Variants in MID1 observed in about 807,000 individuals in gnomAD.
MID1 encodes the protein midline 1.
In MID1, 7 loss-of-function variants were observed where a neutral mutation model predicts 40.4. The ratio of observed to expected loss-of-function variants is 0.17; its 90% CI spans 0.10 to 0.33. MID1 has a LOEUF of 0.33. Among genes scored for constraint, MID1 ranks in the 10% least tolerant of loss-of-function variants. The pLI, the probability that MID1 is intolerant of heterozygous loss-of-function variation, is 1.00. For synonymous variants in MID1, 229 were observed against 221.2 expected, an observed-to-expected ratio of 1.04 and a Z score of -0.31; for missense variants, 367 against 558.5, an observed-to-expected ratio of 0.66 and a Z score of 3.46.
At position 10,459,325 on chromosome X, in the gene MID1, G is replaced by A. The variant is rs1211507816; in HGVS notation, c.1447+321C>T. Among the ~76,000 whole-genome samples the A allele has an allele frequency of 7.1e-5, 8 of 112,012 alleles. No homozygotes were observed. The Middle Eastern group carries it at 0.014, about 193-fold the overall frequency. ...ATCCACCATTTACAGAGCCCCTACT[G>A]TGTGTCAGGTCTTACATATACATCA... On this transcript the variant is annotated intron_variant, in intron 8 of 9. Transcript: ENST00000317552.
At chrX:10,746,714 T>A (rs953589755) in intron 1 of MID1, among the ~76,000 whole-genome samples, 10 of 110,856 alleles carry the variant, frequency 9.0e-5, no homozygotes, top group East Asian at 5.7e-4. Flanking sequence ...ACTTGTCTTA[T>A]GCCCAGTGGT....
At chrX:10,745,991 T>A (rs1312163455) in intron 1 of MID1, among the ~76,000 whole-genome samples, 2 of 112,051 alleles carry the variant, frequency 1.8e-5, no homozygotes, top group African/African-American at 6.5e-5. Context: ...AGACGAGAAC[T>A]AAGAGAGCAA....
intron 1 of MID1, among the ~76,000 whole-genome samples, chrX:10,739,915 C>T (rs1308782629): frequency 8.9e-6 from 1 of 112,332 alleles, no homozygotes; most frequent in Non-Finnish European, 1.9e-5. Flanking sequence ...TAGCCAGAGG[C>T]TAGGCCTTGG....
chrX:10,497,886 C>A (rs1044569160), intron 3 of MID1, among the ~76,000 whole-genome samples: 3 of 111,737 alleles, frequency 2.7e-5, no homozygotes, highest in African/African-American at 9.8e-5. Flanking sequence ...GCACCTGGTG[C>A]CATGTCTGGC....
chrX:10,588,348 G>A (rs1935187064), intron 1 of MID1, among the ~76,000 whole-genome samples: 1 of 110,882 alleles, frequency 9.0e-6, no homozygotes, highest in Admixed American at 9.6e-5. Flanking sequence ...CAAAGCAGCT[G>A]CCGCTACAGA....
intron 1 of MID1, among the ~76,000 whole-genome samples, chrX:10,794,411 T>C (rs777968162): frequency 2.3e-4 from 26 of 112,208 alleles, no homozygotes; most frequent in African/African-American, 7.8e-4. Flanking sequence ...CAAATTGTCA[T>C]AGAAATGTAG....
intron 7 of MID1, chrX:10,469,435 T>C: frequency 9.2e-7 from 1 of 1,085,332 alleles, no homozygotes; most frequent in Non-Finnish European, 1.2e-6. Context: ...TATTTGTTTC[T>C]CTCTATATAT....
At chrX:10,617,984 G>C (rs986445898) in intron 1 of MID1, among the ~76,000 whole-genome samples, 3 of 112,587 alleles carry the variant, frequency 2.7e-5, no homozygotes, top group Non-Finnish European at 5.6e-5. Flanking sequence ...GGTGGCTTCA[G>C]GAATGTTCCT....
At chrX:10,460,207 T>C (rs1157333429) in intron 7 of MID1, among the ~76,000 whole-genome samples, 1 of 111,868 alleles carries the variant, frequency 8.9e-6, no homozygotes, top group Admixed American at 9.5e-5. Flanking sequence ...GCCACTGCTC[T>C]GGAGAAAATA....
intron 1 of MID1, among the ~76,000 whole-genome samples, chrX:10,761,264 T>C (rs770544012): frequency 4.6e-5 from 5 of 107,892 alleles, no homozygotes; most frequent in African/African-American, 1.1e-4. Context: ...CACACACACA[T>C]ACACACACAT....
At chrX:10,730,093 AAAATAAATAAATGAAT>A (rs1461157241) in intron 1 of MID1, among the ~76,000 whole-genome samples, 2 of 108,488 alleles carry the variant, frequency 1.8e-5, no homozygotes, top group East Asian at 5.8e-4. Context: ...CAAAAAAAAA[AAAATAAATAAATGAAT>A]AAATAAATAA....
chrX:10,795,715 CT>C (rs1372873835), intron 1 of MID1, among the ~76,000 whole-genome samples: 5 of 112,346 alleles, frequency 4.5e-5, no homozygotes, highest in Non-Finnish European at 9.4e-5. Context: ...TTGTCTCTGC[CT>C]TTTGCTAAAA....
intron 1 of MID1, among the ~76,000 whole-genome samples, chrX:10,708,822 A>G (rs1232033950): frequency 2.7e-5 from 3 of 112,313 alleles, no homozygotes; most frequent in African/African-American, 6.5e-5. Flanking sequence ...AGAGGAATAC[A>G]TTATTTGGTT....
chrX:10,455,823 T>TAATA (rs780664400), intron 8 of MID1, among the ~76,000 whole-genome samples: 2 of 112,301 alleles, frequency 1.8e-5, no homozygotes, highest in Admixed American at 1.9e-4. Context: ...TATTTATATA[T>TAATA]AATAAGGCCT....
chrX:10,458,088 C>T (rs1178271900), intron 8 of MID1, among the ~76,000 whole-genome samples: 1 of 112,651 alleles, frequency 8.9e-6, no homozygotes, highest in Non-Finnish European at 1.9e-5. Context: ...GTTGAAGATA[C>T]TCATAATATC....
chrX:10,686,166 CTG>C (rs753566603), intron 1 of MID1, among the ~76,000 whole-genome samples: 1 of 111,321 alleles, frequency 9.0e-6, no homozygotes, highest in Non-Finnish European at 1.9e-5. Flanking sequence ...GGCTCAGAGT[CTG>C]TGATCTTGAG....
At chrX:10,459,902 A>G in intron 7 of MID1, 95 bp from the exon 8 acceptor site, 1 of 935,973 alleles carries the variant, frequency 1.1e-6, no homozygotes, top group East Asian at 3.1e-5. Flanking sequence ...ATTTGAATAG[A>G]GTTGGTAAGT....
chrX:10,737,436 T>C (rs2043495027), intron 1 of MID1, among the ~76,000 whole-genome samples: 1 of 112,712 alleles, frequency 8.9e-6, no homozygotes, highest in African/African-American at 3.2e-5. Flanking sequence ...GATTCATAGA[T>C]TTGGGCCAAC....
chrX:10,714,784 T>G (rs1018248351), intron 1 of MID1, among the ~76,000 whole-genome samples: 1 of 111,341 alleles, frequency 9.0e-6, no homozygotes, highest in African/African-American at 3.3e-5. Flanking sequence ...CCAAGGAGCC[T>G]GCCAAAATGT....
Sources: allele counts gnomAD v4.1 joint callset (sites outside exome capture counted in the v4.1 genomes callset), GRCh38; gene constraint gnomAD v4.1.1; transcripts MANE v1.5; gene names NCBI Gene and HGNC (gene_info 2026-07-23, HGNC 2026-07-21).